The following LRIT3 variants were observed in gnomAD, a reference collection of about 807,000 sequenced individuals.
LRIT3 encodes the protein leucine rich repeat, Ig-like and transmembrane domains 3, also known as leucine-rich repeat, immunoglobulin-like domain and transmembrane domain-containing protein 3.
A neutral mutation model predicts 22.6 loss-of-function variants in LRIT3; 14 were observed. The ratio of observed to expected loss-of-function variants is 0.62; its 90% CI spans 0.41 to 0.97. The LOEUF is 0.97. Among genes scored for constraint, LRIT3 ranks in the 50% least tolerant of loss-of-function variants. The pLI is 0.00. For synonymous variants in LRIT3, 306 were observed against 304.5 expected (o/e 1.01, Z -0.05); for missense variants, 783 against 803.0 (o/e 0.98, Z 0.30).
At chr4:109,868,687 T>C (rs1350878686) in intron 3 of LRIT3, among the ~76,000 whole-genome samples, 2 of 152,144 alleles carry the variant, frequency 1.3e-5, no homozygotes, top group Non-Finnish European at 2.9e-5. Context: ...ATTGATTATA[T>C]AGACTTTTCA....
chr4:109,851,109 C>G (rs76173976), intron 1 of LRIT3, among the ~76,000 whole-genome samples: 6,363 of 152,230 alleles, frequency 0.042, 317 homozygotes, highest in East Asian at 0.12. Flanking sequence ...AGCTGGGTGA[C>G]CTTGGAAAGT....
rs2125901847 is a variant in LRIT3 at position 109,870,755 on chromosome 4, A to T, written c.2006A>T (p.Lys669Ile). The T allele has an allele frequency of 6.2e-7, 1 of 1,611,544 alleles. No homozygotes were observed. The highest frequency in any genetic ancestry group is 1.7e-5 in the Admixed American group (1 of 59,748). Residue 669 changes from lysine (K) to isoleucine (I), a missense_variant, in exon 4 of 4, where the codon AAA becomes ATA. Physicochemically the swap from Lys to Ile is moderately radical, Grantham distance 102. Transcript: ENST00000594814. ...RSSVESQVTFKSEGSRPEYYC is the reference protein window; with the variant it reads ...RSSVESQVTFISEGSRPEYYC ...AGTGTGGAATCTCAGGTGACTTTTA[A>T]AAGTGAAGGTTCCAGACCAGAGTAT...
In LRIT3 at chr4:109,870,754, A is replaced by G. The variant is rs1734816146; in HGVS notation, c.2005A>G (p.Lys669Glu). 1.2e-6 allele frequency: 2 copies of G among 1,611,730 alleles called. No homozygotes were observed. The highest frequency in any genetic ancestry group is 1.7e-6 in the Non-Finnish European group (2 of 1,178,898). The change falls in exon 4 of 4, where the codon AAA (lysine) becomes GAA (glutamate). Residue 669 changes from lysine (K) to glutamate (E), a missense_variant. By Grantham distance (56) the Lys-to-Glu change is moderately conservative. This residue lies in a region of LRIT3 where 756 missense variants were observed against 753.8 expected (regional missense o/e 1.00). Transcript: ENST00000594814. ...RSSVESQVTF[K>E]SEGSRPEYYC ...AAGTGTGGAATCTCAGGTGACTTTT[A>G]AAAGTGAAGGTTCCAGACCAGAGTA...
rs1343681566 is a variant in LRIT3 at position 109,871,670 on chromosome 4, A to T, written c.*881A>T. ...CGAGCCAAGCTGTTTGTCTTTTGCC[A>T]TATTGTCTTTTGATTCTCTTGATAA... is the stretch of plus-strand genomic sequence containing the variant. On this transcript the variant is annotated 3_prime_UTR_variant, in exon 4 of 4. Coordinates refer to ENST00000594814, the MANE Select transcript of LRIT3 (RefSeq NM_198506.5). 6.6e-6 allele frequency: 1 copy of T among 151,986 alleles called. No individual in the cohort carries two copies. Among genetic ancestry groups the T allele is most frequent in the Non-Finnish European group, 1.5e-5 (1 of 68,014 alleles). 9.4% of individuals were successfully genotyped at this position (151,986 alleles called of 1,614,324 possible).
Position 109,848,248 on chromosome 4 carries a change from G to A in LRIT3, c.47G>A (p.Gly16Glu), listed in dbSNP as rs1399633454. 2.6e-5 allele frequency: 32 copies of A among 1,231,992 alleles called. No homozygotes were observed. Among genetic ancestry groups the A allele is most frequent in the African/African-American group, 3.1e-5 (2 of 64,416 alleles). 76.3% of individuals were successfully genotyped at this position (1,231,992 alleles called of 1,614,324 possible). Reference sequence around the variant, plus strand: ...TGCATTGTCCTTAGCTTTTTGGAAGGAGTGGGCTGTTTGTGTCCTTCACAG... The same window carrying A: ...TGCATTGTCCTTAGCTTTTTGGAAGAAGTGGGCTGTTTGTGTCCTTCACAG... ...CLCIVLSFLE[G>E]VGCLCPSQCT... is the part of the protein sequence containing the mutation. The change falls in exon 1 of 4, where the codon GGA becomes GAA. Residue 16 changes from glycine to glutamate, a missense_variant. This residue lies in a region of LRIT3 where 27 missense variants were observed against 49.2 expected (regional missense o/e 0.55). Coordinates refer to ENST00000594814, the MANE Select transcript of LRIT3 (RefSeq NM_198506.5).
chr4:109,852,192 T>C (rs954194561), intron 2 of LRIT3, among the ~76,000 whole-genome samples: 5 of 152,174 alleles, frequency 3.3e-5, no homozygotes, highest in African/African-American at 1.2e-4. Flanking sequence ...TGTACATACA[T>C]GTGTGGAAAA....
chr4:109,869,888 C>T lies in LRIT3; in HGVS notation c.1139C>T (p.Ser380Phe). 17 of 1,614,182 alleles carry T rather than the reference C, an allele frequency of 1.1e-5. No homozygotes were observed. The highest frequency in any genetic ancestry group is 1.4e-5 in the Non-Finnish European group (17 of 1,180,020). ...GGATCTGGAAGATCTACATCTGTAT[C>T]TAGCGCATCATCATATCTTTGGTCC... ...QPGSGRSTSV[S>F]SASSYLWSSS... The change falls in exon 4 of 4, where the codon TCT becomes TTT. Residue 380 changes from serine to phenylalanine, a missense_variant. This residue lies in a region of LRIT3 where 756 missense variants were observed against 753.8 expected (regional missense o/e 1.00). Transcript: ENST00000594814.
At chr4:109,858,870 T>G (rs1734467439) in intron 2 of LRIT3, among the ~76,000 whole-genome samples, 1 of 152,192 alleles carries the variant, frequency 6.6e-6, no homozygotes, top group African/African-American at 2.4e-5. Context: ...AAGAAAATTT[T>G]TAAAAGCTTT....
At position 109,869,684 on chromosome 4, in the gene LRIT3, T is replaced by C; in HGVS notation, c.935T>C (p.Ile312Thr). ...CCAGAGGAAGGAGTCAGATGGTCCA[T>C]AATGAGCTTGACAGGCATTTCTTCC... Reference protein sequence around the residue: ...ESPEEGVRWSIMSLTGISSKD... With the variant: ...ESPEEGVRWSTMSLTGISSKD... The change falls in exon 4 of 4, where the codon ATA (isoleucine) becomes ACA (threonine). Residue 312 changes from isoleucine to threonine, a missense_variant. Around this residue, in one of 2 missense-constraint regions of LRIT3, gnomAD observed 756 missense variants for 753.8 expected, o/e 1.00. Transcript: ENST00000594814. 1 of 1,588,418 alleles carries C rather than the reference T, an allele frequency of 6.3e-7. No homozygotes were observed. The highest frequency in any genetic ancestry group is 1.7e-5 in the Admixed American group (1 of 58,360).
chr4:109,862,097 C>T (rs1047805969), intron 2 of LRIT3, among the ~76,000 whole-genome samples: 5 of 152,200 alleles, frequency 3.3e-5, no homozygotes, highest in Admixed American at 2.6e-4. Flanking sequence ...GTTGTCTCCA[C>T]AAAGCTGAGT....
In LRIT3 at chr4:109,851,491, G is replaced by C. The variant is rs1734265086; in HGVS notation, c.117-13G>C. 2.0e-6 allele frequency: 3 copies of C among 1,503,706 alleles called. No individual in the cohort carries two copies. The African/African-American group carries it at 4.2e-5, about 21-fold the overall frequency. 93.1% of individuals were successfully genotyped at this position (1,503,706 alleles called of 1,614,324 possible). On this transcript the variant is annotated splice_polypyrimidine_tract_variant and intron_variant, in intron 1 of 3. Coordinates refer to ENST00000594814, the MANE Select transcript of LRIT3 (RefSeq NM_198506.5). ...AAGTGAGTTTCCTCACATTGTTCAT[G>C]TTGTGACACTAGGTTGGTGCTATGT...
chr4:109,869,594 G>A (rs1734768816), intron 3 of LRIT3, 51 bp from the exon 4 acceptor site: 2 of 1,500,780 alleles, frequency 1.3e-6, no homozygotes, highest in African/African-American at 2.8e-5. Flanking sequence ...TGGCATGGTG[G>A]CTTGAATTTT....
At chr4:109,854,339 CT>C (rs1283045608) in intron 2 of LRIT3, among the ~76,000 whole-genome samples, 6 of 152,036 alleles carry the variant, frequency 3.9e-5, no homozygotes, top group Non-Finnish European at 8.8e-5. Context: ...ATTTTATTCT[CT>C]TTTTACCAAT....
intron 2 of LRIT3, among the ~76,000 whole-genome samples, chr4:109,859,217 C>T (rs566634759): frequency 4.6e-5 from 7 of 152,180 alleles, no homozygotes; most frequent in Non-Finnish European, 1.0e-4. Context: ...CACGGTGCCA[C>T]CAATGCACTA....
At chr4:109,854,835 C>CT (rs532596104) in intron 2 of LRIT3, among the ~76,000 whole-genome samples, 1,555 of 152,090 alleles carry the variant, frequency 0.01, 20 homozygotes, top group Non-Finnish European at 0.018. Flanking sequence ...TAATCATGTG[C>CT]TTTTTGTCAC....
At chr4:109,864,674 G>A (rs1004484407) in intron 2 of LRIT3, among the ~76,000 whole-genome samples, 3 of 152,098 alleles carry the variant, frequency 2.0e-5, no homozygotes, top group Non-Finnish European at 4.4e-5. Context: ...GGCAAAACTG[G>A]TTAATGTGAA....
Position 109,869,669 on chromosome 4 carries a change from G to C in LRIT3, c.920G>C (p.Gly307Ala), listed in dbSNP as rs1734771352. The C allele has an allele frequency of 6.4e-7, 1 of 1,557,470 alleles. No individual in the cohort carries two copies. The highest frequency in any genetic ancestry group is 8.7e-7 in the Non-Finnish European group (1 of 1,151,340). Residue 307 changes from glycine to alanine, a missense_variant, in exon 4 of 4, where the codon GGA (glycine) becomes GCA (alanine). Physicochemically the swap from Gly to Ala is moderately conservative, Grantham distance 60. Transcript: ENST00000594814. The stretch of plus-strand genomic sequence containing the variant: ...GTAATACAAGAATCTCCAGAGGAAG[G>C]AGTCAGATGGTCCATAATGAGCTTG... ...YTVIQESPEE[G>A]VRWSIMSLTG...
Position 109,870,538 on chromosome 4 carries a change from C to A in LRIT3, c.1789C>A (p.Pro597Thr), listed in dbSNP as rs375638531. 14 of 1,614,032 alleles carry A rather than the reference C, an allele frequency of 8.7e-6. No individual in the cohort carries two copies. The highest frequency in any genetic ancestry group is 6.7e-5 in the East Asian group (3 of 44,900). The change falls in exon 4 of 4, where the codon CCA becomes ACA. Residue 597 changes from proline to threonine, a missense_variant. Coordinates refer to ENST00000594814, the MANE Select transcript of LRIT3 (RefSeq NM_198506.5). ...CAGTACTGCCTGTGTTGTTATCTTA[C>A]CATTGATTTGTTTCTTGTTGTACAA... ...VTSTACVVIL[P>T]LICFLLYKVC...
intron 3 of LRIT3, among the ~76,000 whole-genome samples, chr4:109,869,159 T>A (rs1734758305): frequency 6.6e-6 from 1 of 152,188 alleles, no homozygotes; most frequent in African/African-American, 2.4e-5. Context: ...CCTCTGGCTA[T>A]AGAGATATAT....
Sources: gnomAD v4.1 joint callset for allele counts (sites outside exome capture counted in the v4.1 genomes callset) on GRCh38, gnomAD v4.1.1 for gene constraint, gnomAD v4.1.1 regional missense constraint, MANE v1.5 for transcripts, NCBI Gene and HGNC (gene_info 2026-07-23, HGNC 2026-07-21) for gene names.